Variants in GALNT13 observed in about 807,000 individuals in gnomAD.
GALNT13 encodes UDP-GalNAc:polypeptide N-acetylgalactosaminyltransferase 13.
In GALNT13, 28 loss-of-function variants were observed where a neutral mutation model predicts 64.2. The observed-to-expected ratio is 0.44, with a 90% CI of 0.32 to 0.60. The LOEUF (loss-of-function observed/expected upper bound fraction) is 0.60, where lower values mean the gene tolerates loss of function less well. GALNT13 is among the 20% of genes least tolerant of loss of function. The pLI is 0.05. For missense variants in GALNT13, 577 were observed against 669.8 expected, an observed-to-expected ratio of 0.86 and a Z score of 1.53; for synonymous variants, 214 against 224.6, an observed-to-expected ratio of 0.95 and a Z score of 0.42.
the GALNT13 span, among the ~76,000 whole-genome samples, chr2:153,264,812 C>T: frequency 1.6e-3 from 239 of 152,236 alleles, 1 homozygote; most frequent in Middle Eastern, 3.4e-3. Flanking sequence ...GGAGGCAGAG[C>T]ATCAGGAAAA....
chr2:153,689,156 C>G, the GALNT13 span, among the ~76,000 whole-genome samples: 21 of 151,512 alleles, frequency 1.4e-4, no homozygotes, highest in Admixed American at 3.3e-4. Flanking sequence ...ACCAATTAAT[C>G]TTCCTACCAG....
chr2:154,306,115 G>A (rs960249788), intron 9 of GALNT13, among the ~76,000 whole-genome samples: 1 of 151,924 alleles, frequency 6.6e-6, no homozygotes, highest in Non-Finnish European at 1.5e-5. Context: ...TTAAAAGAGA[G>A]GTGAAGGGTC....
chr2:153,841,795 T>C, the GALNT13 span, among the ~76,000 whole-genome samples: 1 of 152,210 alleles, frequency 6.6e-6, no homozygotes, highest in Non-Finnish European at 1.5e-5. Context: ...TATAAGGTCC[T>C]TCTTTATTAA....
intron 3 of GALNT13, among the ~76,000 whole-genome samples, chr2:153,969,799 G>A (rs60316280): frequency 0.093 from 14,116 of 151,914 alleles, 1,664 homozygotes; most frequent in East Asian, 0.62. Context: ...ATGTGTTTTC[G>A]TTTTCTTCTT....
At chr2:154,083,726 T>A (rs1445419971) in intron 3 of GALNT13, among the ~76,000 whole-genome samples, 1 of 151,832 alleles carries the variant, frequency 6.6e-6, no homozygotes, top group Non-Finnish European at 1.5e-5. Flanking sequence ...TCTTTGTGTC[T>A]TCTCACCAGA....
chr2:153,441,715 A>C, the GALNT13 span, among the ~76,000 whole-genome samples: 1 of 152,160 alleles, frequency 6.6e-6, no homozygotes, highest in Non-Finnish European at 1.5e-5. Context: ...AGCAATTGTG[A>C]ATGGGAGTTC....
At chr2:153,646,389 C>G in the GALNT13 span, among the ~76,000 whole-genome samples, 50 of 151,538 alleles carry the variant, frequency 3.3e-4, no homozygotes, top group South Asian at 0.01. Flanking sequence ...AGTTCAGCAA[C>G]TAAGATAAAA....
chr2:153,941,788 T>C (rs909797273), intron 2 of GALNT13, among the ~76,000 whole-genome samples: 1 of 152,184 alleles, frequency 6.6e-6, no homozygotes, highest in African/African-American at 2.4e-5. Context: ...GTTTTCAAAA[T>C]ATAGGTAAAT....
At chr2:154,446,738 T>A (rs1290357182) in intron 12 of GALNT13, 1 of 1,538,576 alleles carries the variant, frequency 6.5e-7, no homozygotes, top group Non-Finnish European at 8.8e-7. Context: ...GGAATTCTAC[T>A]GATTACATTC....
At chr2:153,357,185 G>T in the GALNT13 span, 1 of 152,064 alleles carries the variant, frequency 6.6e-6, no homozygotes. Flanking sequence ...TATCTCTGCT[G>T]TGTTAGAATT....
chr2:153,519,244 T>G, the GALNT13 span, among the ~76,000 whole-genome samples: 1 of 152,214 alleles, frequency 6.6e-6, no homozygotes, highest in African/African-American at 2.4e-5. Context: ...TTGATAATGT[T>G]TATTACAAAT....
At chr2:153,717,594 G>T in the GALNT13 span, among the ~76,000 whole-genome samples, 1 of 152,116 alleles carries the variant, frequency 6.6e-6, no homozygotes, top group Non-Finnish European at 1.5e-5. Flanking sequence ...AACACAAATT[G>T]CGTTCTTGTA....
intron 3 of GALNT13, among the ~76,000 whole-genome samples, chr2:153,999,899 C>CT (rs567427274): frequency 9.2e-5 from 14 of 151,702 alleles, no homozygotes; most frequent in Non-Finnish European, 1.3e-4. Flanking sequence ...GGTATTAGTT[C>CT]TTTTTTTTAA....
chr2:153,621,120 C>T, the GALNT13 span, among the ~76,000 whole-genome samples: 1 of 150,942 alleles, frequency 6.6e-6, no homozygotes, highest in Non-Finnish European at 1.5e-5. Flanking sequence ...CAGAGTCCGT[C>T]TCTCTCTCTC....
chr2:153,647,446 C>T, the GALNT13 span, among the ~76,000 whole-genome samples: 975 of 152,252 alleles, frequency 6.4e-3, 5 homozygotes, highest in Non-Finnish European at 0.01. Flanking sequence ...GTTTCTTTTG[C>T]TGTGCAGAAG....
intron 3 of GALNT13, among the ~76,000 whole-genome samples, chr2:154,060,863 T>G (rs1236737543): frequency 2.0e-5 from 3 of 151,948 alleles, no homozygotes; most frequent in African/African-American, 4.8e-5. Context: ...CAGGTCAGCC[T>G]CCAGGGGGAC....
intron 3 of GALNT13, among the ~76,000 whole-genome samples, chr2:154,080,102 G>A (rs1364221986): frequency 2.0e-5 from 3 of 151,656 alleles, no homozygotes; most frequent in Non-Finnish European, 4.4e-5. Flanking sequence ...TGTTAATAGA[G>A]TTGAAGATAC....
chr2:153,672,766 A>G, the GALNT13 span, among the ~76,000 whole-genome samples: 1 of 133,156 alleles, frequency 7.5e-6, no homozygotes, highest in Non-Finnish European at 1.6e-5. Flanking sequence ...TGAATCCAGG[A>G]GGTGTTTTTT....
the GALNT13 span, chr2:153,478,522 A>T: frequency 2.5e-6 from 4 of 1,605,830 alleles, no homozygotes; most frequent in African/African-American, 5.4e-5. Context: ...GTTGGCCAGG[A>T]ACAGGCCCGC....
Sources: allele counts gnomAD v4.1 joint callset (sites outside exome capture counted in the v4.1 genomes callset), GRCh38; gene constraint gnomAD v4.1.1; transcripts MANE v1.5; gene names NCBI Gene and HGNC (gene_info 2026-07-23, HGNC 2026-07-21).